The following SLIT3 variants were observed in gnomAD, a reference collection of about 807,000 sequenced individuals.
The protein encoded by SLIT3 is slit homolog 3 protein.
A neutral mutation model predicts 184.0 loss-of-function variants in SLIT3; 68 were observed. That is an observed-to-expected ratio of 0.37 (90% CI 0.30 to 0.45). The LOEUF is 0.45. Among genes scored for constraint, SLIT3 ranks in the 20% least tolerant of loss-of-function variants. SLIT3 has a pLI of 1.00. For synonymous variants in SLIT3, 831 were observed against 828.6 expected, an observed-to-expected ratio of 1.00 and a Z score of -0.05; for missense variants, 1,707 against 2,026.0, an observed-to-expected ratio of 0.84 and a Z score of 3.02.
intron 4 of SLIT3, among the ~76,000 whole-genome samples, chr5:168,974,190 C>T (rs747034125): frequency 3.3e-5 from 5 of 152,182 alleles, no homozygotes; most frequent in East Asian, 3.9e-4. Flanking sequence ...TACTTTGCAG[C>T]GTTGTTGGAC....
At chr5:168,987,827 G>A (rs1243385700) in intron 4 of SLIT3, among the ~76,000 whole-genome samples, 1 of 152,190 alleles carries the variant, frequency 6.6e-6, no homozygotes, top group African/African-American at 2.4e-5. Flanking sequence ...ATTTCTTATG[G>A]AATATATAGA....
At chr5:169,030,082 C>T (rs1340495630) in intron 4 of SLIT3, among the ~76,000 whole-genome samples, 1 of 152,210 alleles carries the variant, frequency 6.6e-6, no homozygotes, top group African/African-American at 2.4e-5. Flanking sequence ...AACCTGCCCT[C>T]TCCTAGGCTG....
intron 4 of SLIT3, among the ~76,000 whole-genome samples, chr5:169,112,010 C>G (rs1046470338): frequency 2.6e-5 from 4 of 152,294 alleles, no homozygotes; most frequent in African/African-American, 7.2e-5. Flanking sequence ...TGAATGGGTC[C>G]TTTGGGTCCA....
At chr5:168,895,240 T>C (rs987111642) in intron 4 of SLIT3, among the ~76,000 whole-genome samples, 2 of 152,176 alleles carry the variant, frequency 1.3e-5, no homozygotes, top group African/African-American at 4.8e-5. Context: ...CTTTGTGATA[T>C]GGCACTAGAG....
chr5:168,674,531 G>A (rs141190432), intron 32 of SLIT3, among the ~76,000 whole-genome samples: 18 of 133,288 alleles, frequency 1.4e-4, no homozygotes, highest in South Asian at 2.3e-4. Context: ...TCACTCTGTC[G>A]CCCAGGCTGG....
chr5:169,075,203 G>T (rs188432), intron 4 of SLIT3, among the ~76,000 whole-genome samples: 40,284 of 151,856 alleles, frequency 0.27, 6,038 homozygotes, highest in East Asian at 0.53. Flanking sequence ...GGATGATGGT[G>T]GGGTTTGACA....
chr5:169,299,868 G>A (rs1175618761), intron 1 of SLIT3, among the ~76,000 whole-genome samples: 2 of 151,812 alleles, frequency 1.3e-5, no homozygotes, highest in African/African-American at 2.4e-5. Flanking sequence ...CCCTTCGTTC[G>A]GGGAGGCATT....
chr5:169,146,404 C>T (rs530351721), intron 4 of SLIT3, among the ~76,000 whole-genome samples: 1 of 152,336 alleles, frequency 6.6e-6, no homozygotes, highest in South Asian at 2.1e-4. Flanking sequence ...AATCTACTGC[C>T]CTGACGGAGC....
intron 6 of SLIT3, among the ~76,000 whole-genome samples, chr5:168,835,491 A>C (rs1458149025): frequency 6.6e-6 from 1 of 151,826 alleles, no homozygotes; most frequent in Non-Finnish European, 1.5e-5. Flanking sequence ...AAAAAAAAAA[A>C]AGTGTTGTTT....
intron 5 of SLIT3, among the ~76,000 whole-genome samples, chr5:168,881,254 T>C (rs1440145370): frequency 6.6e-6 from 1 of 152,172 alleles, no homozygotes; most frequent in Non-Finnish European, 1.5e-5. Context: ...GTTTGTAGAA[T>C]CTTGAACCTT....
intron 12 of SLIT3, among the ~76,000 whole-genome samples, chr5:168,777,356 G>T (rs1755798470): frequency 6.6e-6 from 1 of 152,186 alleles, no homozygotes; most frequent in African/African-American, 2.4e-5. Flanking sequence ...AAGCCCAATT[G>T]TAGCAATTGG....
chr5:169,002,518 A>T (rs1174782472), intron 4 of SLIT3, among the ~76,000 whole-genome samples: 2 of 152,030 alleles, frequency 1.3e-5, no homozygotes, highest in Non-Finnish European at 2.9e-5. Flanking sequence ...ACCCAGTTAG[A>T]GAGTGTGGAC....
chr5:168,742,097 C>A (rs1175956404), intron 20 of SLIT3, among the ~76,000 whole-genome samples: 3 of 123,982 alleles, frequency 2.4e-5, no homozygotes, highest in Non-Finnish European at 5.0e-5. Flanking sequence ...TGGACAGAGG[C>A]CCTGAAGTCA....
intron 6 of SLIT3, among the ~76,000 whole-genome samples, chr5:168,837,230 GAA>G (rs1240399378): frequency 6.6e-6 from 1 of 152,068 alleles, no homozygotes; most frequent in Non-Finnish European, 1.5e-5. Context: ...AGTACCAAAA[GAA>G]AAATATCTGG....
intron 5 of SLIT3, among the ~76,000 whole-genome samples, chr5:168,855,597 C>G (rs868857769): frequency 3.9e-5 from 6 of 152,138 alleles, no homozygotes. Context: ...GAAAACATTA[C>G]GCTAAGTGAA....
At chr5:168,870,653 A>G (rs760610021) in intron 5 of SLIT3, among the ~76,000 whole-genome samples, 3 of 152,232 alleles carry the variant, frequency 2.0e-5, no homozygotes, top group Non-Finnish European at 4.4e-5. Flanking sequence ...AAGAACCATC[A>G]AACTCTGTGA....
At chr5:168,686,869 G>A (rs1189793177) in intron 30 of SLIT3, 110 bp downstream of exon 30, 11 of 1,344,574 alleles carry the variant, frequency 8.2e-6, no homozygotes, top group African/African-American at 1.4e-5. Context: ...CAGAACCGGG[G>A]CTACAGCCAC....
chr5:168,750,525 GCT>G (rs1754659002), intron 18 of SLIT3, among the ~76,000 whole-genome samples: 1 of 152,170 alleles, frequency 6.6e-6, no homozygotes, highest in Non-Finnish European at 1.5e-5. Flanking sequence ...TGGAGTCCAG[GCT>G]CTGACACTCA....
At chr5:169,130,666 T>C (rs1021384634) in intron 4 of SLIT3, among the ~76,000 whole-genome samples, 1 of 152,150 alleles carries the variant, frequency 6.6e-6, no homozygotes, top group African/African-American at 2.4e-5. Context: ...TGGAAATAGT[T>C]CAATATGTCA....
Sources: allele counts gnomAD v4.1 joint callset (sites outside exome capture counted in the v4.1 genomes callset), GRCh38; gene constraint gnomAD v4.1.1; transcripts MANE v1.5; gene names NCBI Gene and HGNC (gene_info 2026-07-23, HGNC 2026-07-21).